Variants in TBC1D4 observed in about 807,000 individuals in gnomAD.
The protein encoded by TBC1D4 is TBC (Tre-2, BUB2, CDC16) domain-containing protein.
Under a neutral mutation model 142.5 loss-of-function variants are expected in TBC1D4, and 121 were observed. The ratio of observed to expected loss-of-function variants is 0.85; its 90% confidence interval spans 0.73 to 0.99. The LOEUF is 0.99. Among genes scored for constraint, TBC1D4 ranks in the 50% least tolerant of loss-of-function variants. The pLI is 0.00. For missense variants in TBC1D4, 1,475 were observed against 1,606.6 expected (o/e 0.92, Z 1.40); for synonymous variants, 630 against 628.2 (o/e 1.00, Z -0.04).
Position 75,481,730 on chromosome 13 carries a change from G to A in TBC1D4, c.38C>T (p.Pro13Leu). 6.3e-7 allele frequency: 1 copy of A among 1,595,528 alleles called. No homozygotes were observed. The highest frequency in any genetic ancestry group is 8.5e-7 in the Non-Finnish European group (1 of 1,173,462). Residue 13 changes from proline (P) to leucine (L), a missense_variant, in exon 1 of 21, where the codon CCG becomes CTG. This residue lies in a region of TBC1D4 where 1,227 missense variants were observed against 1,267.7 expected (regional missense o/e 0.97). Transcript: ENST00000377636. ...GCCCGGCTCGGGCTCCAGGGGGTGC[G>A]GGAACGGCTCATCCTGAATGCAGCT... ...PPSCIQDEPFPHPLEPEPGVS... is the reference protein window; with the variant it reads ...PPSCIQDEPFLHPLEPEPGVS...
chr13:75,465,431 G>C (rs1020567167), intron 1 of TBC1D4, among the ~76,000 whole-genome samples: 5 of 152,142 alleles, frequency 3.3e-5, no homozygotes, highest in African/African-American at 1.2e-4. Flanking sequence ...GAATGAATGA[G>C]GTAATGAACA....
intron 5 of TBC1D4, among the ~76,000 whole-genome samples, chr13:75,343,995 C>T (rs1466399159): frequency 1.3e-5 from 2 of 152,016 alleles, no homozygotes; most frequent in Non-Finnish European, 2.9e-5. Context: ...TGCCCACCAC[C>T]ATGCCCAGCT....
At chr13:75,461,180 C>T (rs942374490) in intron 1 of TBC1D4, among the ~76,000 whole-genome samples, 2 of 152,206 alleles carry the variant, frequency 1.3e-5, no homozygotes, top group African/African-American at 4.8e-5. Context: ...TTGGGAGCCA[C>T]TGAATGTCTG....
chr13:75,458,067 T>C (rs571859581), intron 1 of TBC1D4, among the ~76,000 whole-genome samples: 4 of 152,046 alleles, frequency 2.6e-5, no homozygotes, highest in African/African-American at 7.2e-5. Context: ...CAGTGGAGAG[T>C]TGGGGTGACA....
chr13:75,440,163 C>T (rs148711347), intron 1 of TBC1D4, among the ~76,000 whole-genome samples: 2,037 of 151,318 alleles, frequency 0.013, 52 homozygotes, highest in African/African-American at 0.043. Context: ...ACAAAGTCAA[C>T]AAACAGAATA....
rs1269655441 is a variant in TBC1D4 at position 75,349,180 on chromosome 13, T to C, written c.1398A>G (p.Glu466=). 3.8e-5 allele frequency: 61 copies of C among 1,613,926 alleles called. No individual in the cohort carries two copies. Among genetic ancestry groups the C allele is most frequent in the Non-Finnish European group, 5.1e-5 (60 of 1,179,934 alleles). The change falls in exon 5 of 21, where the codon GAA becomes GAG. Residue 466 remains glutamate, a synonymous_variant. Transcript: ENST00000377636. Reference sequence around the variant, plus strand: ...CACATTAAACTGTACCTTCAATCCTTTCACAGAGCTTATGCAAAGAGTGCA... The same window carrying C: ...CACATTAAACTGTACCTTCAATCCTCTCACAGAGCTTATGCAAAGAGTGCA... ...CPMHSLHKLC[E]RIEGLYPPRA... is the part of the protein sequence containing the mutation.
rs1882568949 is a variant in TBC1D4, at chr13:75,362,080, T to TGC, written c.1024_1025dup (p.Pro343HisfsTer37). The TGC allele has an allele frequency of 6.2e-7, 1 of 1,613,866 alleles. No homozygotes were observed. Among genetic ancestry groups the TGC allele is most frequent in the Non-Finnish European group, 8.5e-7 (1 of 1,180,002 alleles). Reference sequence around the variant, plus strand: ...AGTCCGAGGGCTGGACGTGACTGGGTGCGCTCGCGTGTCTCCGTCGCGGCT... The same window carrying TGC: ...AGTCCGAGGGCTGGACGTGACTGGGTGCGCGCTCGCGTGTCTCCGTCGCGGCT... On this transcript the variant is annotated frameshift_variant, in exon 2 of 21. Transcript: ENST00000377636. LOFTEE classifies it high-confidence loss of function. This position sits in a 1 kb window ranked among gnomAD's most constrained non-coding sequence, Gnocchi z 4.2.
intron 1 of TBC1D4, among the ~76,000 whole-genome samples, chr13:75,440,626 T>C (rs1886998343): frequency 6.6e-6 from 1 of 151,816 alleles, no homozygotes; most frequent in South Asian, 2.1e-4. Flanking sequence ...TGATAATGGC[T>C]CACTGTAACC....
intron 1 of TBC1D4, among the ~76,000 whole-genome samples, chr13:75,418,455 G>A (rs570781091): frequency 6.6e-6 from 1 of 152,208 alleles, no homozygotes; most frequent in East Asian, 1.9e-4. Context: ...AGCTGAAAAA[G>A]GGGGAAAAGA....
chr13:75,332,621 G>A (rs1292379952), intron 8 of TBC1D4, among the ~76,000 whole-genome samples: 4 of 152,138 alleles, frequency 2.6e-5, no homozygotes, highest in African/African-American at 9.6e-5. Flanking sequence ...GATTAAGTAG[G>A]TCTGGGGTGA....
chr13:75,362,289 C>G lies in TBC1D4; in HGVS notation c.817G>C (p.Gly273Arg), dbSNP rs1003074536. 6.2e-7 allele frequency: 1 copy of G among 1,613,818 alleles called. No homozygotes were observed. Among genetic ancestry groups the G allele is most frequent in the South Asian group, 1.1e-5 (1 of 91,068 alleles). ...PGDCLPEEAD[G>R]TDTHLGLPAG... ...GGTAAGCCAAGGTGGGTGTCGGTGC[C>G]GTCAGCCTCCTCCGGCAGGCAGTCT... The change falls in exon 2 of 21, where the codon GGC becomes CGC. Residue 273 changes from glycine (G) to arginine (R), a missense_variant. Physicochemically the swap from Gly to Arg is moderately radical, Grantham distance 125. Transcript: ENST00000377636. This position sits in a 1 kb window ranked among gnomAD's most constrained non-coding sequence, Gnocchi z 4.2.
intron 1 of TBC1D4, among the ~76,000 whole-genome samples, chr13:75,392,213 A>C (rs970066114): frequency 2.0e-5 from 3 of 152,242 alleles, no homozygotes; most frequent in Non-Finnish European, 4.4e-5. Context: ...AATAACCAAA[A>C]GGCCGTATTT....
intron 12 of TBC1D4, among the ~76,000 whole-genome samples, chr13:75,315,230 C>A (rs57793844): frequency 0.021 from 3,129 of 151,584 alleles, 111 homozygotes; most frequent in African/African-American, 0.071. Context: ...ATCGCTTGAA[C>A]CCAGGAGGCA....
rs531614085 is a variant in TBC1D4 at position 75,310,061 on chromosome 13, T to A, written c.2474A>T (p.Asp825Val). Residue 825 changes from aspartate (D) to valine (V), a missense_variant, in exon 14 of 21, where the codon GAT (aspartate) becomes GTT (valine). By Grantham distance (152) the Asp-to-Val change is radical. This residue lies in a region of TBC1D4 where 1,227 missense variants were observed against 1,267.7 expected (regional missense o/e 0.97). Coordinates refer to ENST00000377636, the MANE Select transcript of TBC1D4 (RefSeq NM_014832.5). Reference sequence around the variant, plus strand: ...TCTTTCTTCAATCTTTTCTGGGTCATCCTCCCCAGACAGGAATACAACCAG... The same window carrying A: ...TCTTTCTTCAATCTTTTCTGGGTCAACCTCCCCAGACAGGAATACAACCAG... ...EPLVVFLSGE[D>V]DPEKIEERKK... 5.6e-6 allele frequency: 9 copies of A among 1,614,042 alleles called. No individual in the cohort carries two copies. The highest frequency in any genetic ancestry group is 4.4e-5 in the South Asian group (4 of 91,070).
intron 1 of TBC1D4, among the ~76,000 whole-genome samples, chr13:75,478,006 A>T (rs1225710639): frequency 1.3e-5 from 2 of 152,172 alleles, no homozygotes; most frequent in Non-Finnish European, 2.9e-5. Context: ...GCTTCTCCTG[A>T]CACACATCCT....
chr13:75,341,081 T>A lies in TBC1D4; in HGVS notation c.1611+44A>T, dbSNP rs76964739. ...ACAAAGGGAAGAATTAACAAAATTATTAAACAACAACAAAAGTAGGTGAAG... is the reference window on the plus strand; with the variant it reads ...ACAAAGGGAAGAATTAACAAAATTAATAAACAACAACAAAAGTAGGTGAAG... On this transcript the variant is annotated intron_variant, in intron 7 of 20. Transcript: ENST00000377636. The A allele has an allele frequency of 0.53, 832,192 of 1,570,146 alleles. 225,835 individuals carry two copies. Among genetic ancestry groups the A allele is most frequent in the East Asian group, 0.77 (34,221 of 44,566 alleles).
At position 75,326,246 on chromosome 13, in the gene TBC1D4, G is replaced by C; in HGVS notation, c.1984C>G (p.Gln662Glu). Residue 662 changes from glutamine to glutamate, a missense_variant, in exon 10 of 21, where the codon CAG (glutamine) becomes GAG (glutamate). Gln to Glu is a conservative substitution (Grantham distance 29). Coordinates refer to ENST00000377636, the MANE Select transcript of TBC1D4 (RefSeq NM_014832.5). The stretch of plus-strand genomic sequence containing the variant: ...CTCAGCAGAGGGGAACGCACACCCT[G>C]AGCCCTCCCATCCTGCAAATTCAGC... The part of the protein sequence containing the change: ...RKLNLQDGRA[Q>E]GVRSPLLRQS... 6.2e-7 allele frequency: 1 copy of C among 1,614,146 alleles called. No homozygotes were observed. Among genetic ancestry groups the C allele is most frequent in the Non-Finnish European group, 8.5e-7 (1 of 1,180,020 alleles).
At chr13:75,300,758 C>G (rs903510274) in intron 16 of TBC1D4, among the ~76,000 whole-genome samples, 2 of 152,154 alleles carry the variant, frequency 1.3e-5, no homozygotes, top group South Asian at 4.1e-4. Flanking sequence ...CTCATTTTCT[C>G]TCTTTAATAG....
intron 1 of TBC1D4, among the ~76,000 whole-genome samples, chr13:75,401,922 G>A (rs1038179724): frequency 1.3e-5 from 2 of 152,154 alleles, no homozygotes; most frequent in African/African-American, 4.8e-5. Flanking sequence ...TAAGCAGTGA[G>A]GAATTATTCA....
Sources: allele counts gnomAD v4.1 joint callset (sites outside exome capture counted in the v4.1 genomes callset), GRCh38; gene constraint gnomAD v4.1.1; regional missense constraint gnomAD v4.1.1; non-coding constraint Gnocchi (gnomAD v3.1); transcripts MANE v1.5; gene names NCBI Gene and HGNC (gene_info 2026-07-23, HGNC 2026-07-21).